Variants in NELL1 observed in about 807,000 individuals in gnomAD.
NELL1 encodes the protein protein kinase C-binding protein NELL1.
In NELL1, 76 loss-of-function variants were observed where a neutral mutation model predicts 107.4. That is an observed-to-expected ratio of 0.71 (90% CI 0.59 to 0.86). The LOEUF (loss-of-function observed/expected upper bound fraction) is 0.86. Ranked by LOEUF, NELL1 falls within the 40% of genes least tolerant of loss-of-function variation. The pLI is 0.00. For missense variants in NELL1, 1,024 were observed against 1,005.5 expected, an observed-to-expected ratio of 1.02 and a Z score of -0.25; for synonymous variants, 353 against 341.2, an observed-to-expected ratio of 1.03 and a Z score of -0.38.
Position 20,691,765 on chromosome 11 carries a change from A to C in NELL1, c.184+13705A>C, listed in dbSNP as rs867233876. 4.9e-4 allele frequency among the ~76,000 whole-genome samples: 75 copies of C among 151,904 alleles called. No individual in the cohort carries two copies. The Middle Eastern group carries it at 0.01, about 21-fold the overall frequency. ...ATTCTCTTTTTTGGTTGTGTCTCTGACCGGCTTTGGTATCAGGATGATGCT... is the reference window on the plus strand; with the variant it reads ...ATTCTCTTTTTTGGTTGTGTCTCTGCCCGGCTTTGGTATCAGGATGATGCT... On this transcript the variant is annotated intron_variant, in intron 2 of 19. Coordinates refer to ENST00000357134, the MANE Select transcript of NELL1 (RefSeq NM_006157.5).
chr11:20,781,216 G>A (rs1460316791), intron 2 of NELL1, among the ~76,000 whole-genome samples: 1 of 152,140 alleles, frequency 6.6e-6, no homozygotes, highest in Non-Finnish European at 1.5e-5. Context: ...GATATGGAGA[G>A]TGGAGAAAAG....
intron 8 of NELL1, among the ~76,000 whole-genome samples, chr11:20,927,738 A>G (rs781043014): frequency 3.9e-5 from 6 of 152,196 alleles, no homozygotes; most frequent in South Asian, 2.1e-4. Flanking sequence ...GACTCCTTTG[A>G]TTTTCAAACA....
chr11:20,907,568 C>T (rs1271665558), intron 5 of NELL1, among the ~76,000 whole-genome samples: 1 of 151,990 alleles, frequency 6.6e-6, no homozygotes, highest in Non-Finnish European at 1.5e-5. Flanking sequence ...AAATTCCCAT[C>T]CTATTAGAAA....
chr11:21,336,253 C>G (rs920106788), intron 14 of NELL1, among the ~76,000 whole-genome samples: 1 of 151,888 alleles, frequency 6.6e-6, no homozygotes, highest in Non-Finnish European at 1.5e-5. Flanking sequence ...AACACAAATA[C>G]TTAGTGTTTA....
intron 5 of NELL1, among the ~76,000 whole-genome samples, chr11:20,888,275 G>C (rs2134111424): frequency 6.6e-6 from 1 of 152,006 alleles, no homozygotes; most frequent in East Asian, 1.9e-4. Context: ...TTAAAATATA[G>C]AACAGATACA....
chr11:20,962,237 A>G (rs1477580982), intron 12 of NELL1, among the ~76,000 whole-genome samples: 2 of 152,038 alleles, frequency 1.3e-5, no homozygotes, highest in Non-Finnish European at 2.9e-5. Flanking sequence ...ATTAATATTT[A>G]TGTTTAGATC....
At chr11:21,564,460 A>C (rs74656274) in intron 17 of NELL1, among the ~76,000 whole-genome samples, 10,650 of 151,972 alleles carry the variant, frequency 0.07, 473 homozygotes, top group Non-Finnish European at 0.094. Flanking sequence ...ATTACATAAG[A>C]GTAAGAACCA....
chr11:21,456,639 C>G (rs1157404872), intron 15 of NELL1, among the ~76,000 whole-genome samples: 1 of 151,926 alleles, frequency 6.6e-6, no homozygotes, highest in Non-Finnish European at 1.5e-5. Flanking sequence ...TCTTTCTCAA[C>G]AAATATTTAT....
Position 21,254,379 on chromosome 11 carries a change from A to T in NELL1, c.1549+24925A>T, listed in dbSNP as rs1282828906. ...ACATTATGGAAATTGCACCATCAGA[A>T]TGAATTAATAGGTGGCTTAAAAAAT... On this transcript the variant is annotated intron_variant, in intron 14 of 19. Coordinates refer to ENST00000357134, the MANE Select transcript of NELL1 (RefSeq NM_006157.5). Among the ~76,000 whole-genome samples the T allele has an allele frequency of 4.6e-5, 7 of 152,296 alleles. 1 individual carries two copies. The East Asian group carries it at 1.4e-3, about 29-fold the overall frequency.
At chr11:20,943,138 G>A (rs775844455) in intron 10 of NELL1, among the ~76,000 whole-genome samples, 23 of 151,814 alleles carry the variant, frequency 1.5e-4, no homozygotes, top group Non-Finnish European at 3.1e-4. Flanking sequence ...GTGCATGTGT[G>A]AGTGCATGTG....
At chr11:21,376,452 T>C (rs1193462547) in intron 15 of NELL1, among the ~76,000 whole-genome samples, 1 of 152,148 alleles carries the variant, frequency 6.6e-6, no homozygotes, top group Non-Finnish European at 1.5e-5. Flanking sequence ...ATTGTAGCCA[T>C]ATAATATAGT....
At chr11:21,376,844 G>C (rs1338226548) in intron 15 of NELL1, among the ~76,000 whole-genome samples, 2 of 152,064 alleles carry the variant, frequency 1.3e-5, no homozygotes, top group African/African-American at 4.8e-5. Context: ...TTGGCTGTCA[G>C]TTTGAACGTT....
intron 15 of NELL1, among the ~76,000 whole-genome samples, chr11:21,416,706 A>G (rs1852527925): frequency 6.6e-6 from 1 of 152,092 alleles, no homozygotes; most frequent in Admixed American, 6.6e-5. Flanking sequence ...GGTCTTCAGA[A>G]TCATACATCT....
chr11:21,478,046 G>T (rs1854394391), intron 15 of NELL1, among the ~76,000 whole-genome samples: 1 of 151,992 alleles, frequency 6.6e-6, no homozygotes, highest in South Asian at 2.1e-4. Flanking sequence ...AAAGAAAGAG[G>T]TTTAATTGAC....
intron 14 of NELL1, among the ~76,000 whole-genome samples, chr11:21,245,230 C>G (rs1380419127): frequency 6.6e-6 from 1 of 152,094 alleles, no homozygotes; most frequent in Non-Finnish European, 1.5e-5. Context: ...TCCCTTCTTC[C>G]CTGCTGTGAA....
At chr11:20,826,656 G>A (rs1417996841) in intron 3 of NELL1, among the ~76,000 whole-genome samples, 1 of 151,134 alleles carries the variant, frequency 6.6e-6, no homozygotes, top group Non-Finnish European at 1.5e-5. Context: ...CCGGCTGGGG[G>A]ATTGACACCC....
intron 14 of NELL1, among the ~76,000 whole-genome samples, chr11:21,234,789 T>G (rs1303312316): frequency 6.6e-6 from 1 of 152,130 alleles, no homozygotes; most frequent in Non-Finnish European, 1.5e-5. Context: ...AGGTTTGATA[T>G]AGACAGAAAG....
chr11:20,678,179 G>A lies in NELL1; in HGVS notation c.184+119G>A. The A allele has an allele frequency of 2.6e-6, 3 of 1,164,622 alleles. No homozygotes were observed. In the South Asian group the frequency reaches 4.0e-5, roughly 15 times the overall value. The allele number at this position is 1,164,622 out of a possible 1,614,324, so 72.1% of individuals were successfully genotyped here. On this transcript the variant is annotated intron_variant, in intron 2 of 19. Transcript: ENST00000357134. ...CCTTTGCTATTTCTCTTGTGTTGCT[G>A]TCTTGAGTGTTTAGATATGCAGGGG...
At chr11:21,021,348 G>A (rs906308541) in intron 12 of NELL1, among the ~76,000 whole-genome samples, 1 of 151,978 alleles carries the variant, frequency 6.6e-6, no homozygotes, top group African/African-American at 2.4e-5. Flanking sequence ...GTTTATCTGC[G>A]AGTGTGAAAA....
Sources: allele counts gnomAD v4.1 joint callset (sites outside exome capture counted in the v4.1 genomes callset), GRCh38; gene constraint gnomAD v4.1.1; transcripts MANE v1.5; gene names NCBI Gene and HGNC (gene_info 2026-07-23, HGNC 2026-07-21).